SCHIP1: variants seen among roughly 807,000 people sequenced by gnomAD.
The protein encoded by SCHIP1 is schwannomin interacting protein 1.
In SCHIP1, 8 loss-of-function variants were observed where a neutral mutation model predicts 29.7. That is an observed-to-expected ratio of 0.27 (90% CI 0.16 to 0.49). The LOEUF (loss-of-function observed/expected upper bound fraction) is 0.49. Ranked by LOEUF, SCHIP1 falls within the 20% of genes least tolerant of loss-of-function variation. SCHIP1 has a pLI of 0.99. For missense variants in SCHIP1, 193 were observed against 294.6 expected, an observed-to-expected ratio of 0.66 and a Z score of 2.52; for synonymous variants, 76 against 94.9, an observed-to-expected ratio of 0.80 and a Z score of 1.16.
the SCHIP1 span, among the ~76,000 whole-genome samples, chr3:159,673,510 T>G: frequency 2.0e-5 from 3 of 152,230 alleles, no homozygotes; most frequent in Admixed American, 2.0e-4. Flanking sequence ...CCTGATTCCA[T>G]ATCTCTTGTC....
At chr3:159,769,276 A>C in the SCHIP1 span, among the ~76,000 whole-genome samples, 2 of 26,138 alleles carry the variant, frequency 7.7e-5, no homozygotes, top group South Asian at 1.1e-3. Context: ...CCTGTTGCCA[A>C]GTGGGGTGGG....
At chr3:159,375,027 T>A in the SCHIP1 span, among the ~76,000 whole-genome samples, 1 of 152,250 alleles carries the variant, frequency 6.6e-6, no homozygotes, top group African/African-American at 2.4e-5. Flanking sequence ...ATGTATTGGG[T>A]CATATTAAAT....
chr3:159,844,880 A>G (rs1711570494), intron 1 of SCHIP1, among the ~76,000 whole-genome samples: 1 of 152,220 alleles, frequency 6.6e-6, no homozygotes, highest in Admixed American at 6.5e-5. Flanking sequence ...CTACTGTGGG[A>G]ATGGAGACTT....
At chr3:159,407,027 G>T in the SCHIP1 span, among the ~76,000 whole-genome samples, 27 of 152,210 alleles carry the variant, frequency 1.8e-4, no homozygotes, top group African/African-American at 6.5e-4. Flanking sequence ...GACCGGAGGA[G>T]GTCCCTACCT....
the SCHIP1 span, among the ~76,000 whole-genome samples, chr3:159,508,230 C>G: frequency 6.6e-6 from 1 of 152,156 alleles, no homozygotes; most frequent in Non-Finnish European, 1.5e-5. Context: ...TCCATTTCCT[C>G]TAGATTTTCT....
intron 1 of SCHIP1, among the ~76,000 whole-genome samples, chr3:159,865,637 T>G (rs940734497): frequency 6.6e-6 from 1 of 152,234 alleles, no homozygotes; most frequent in Non-Finnish European, 1.5e-5. Flanking sequence ...AGGTGCTATG[T>G]CTGTCTTGTC....
chr3:159,574,365 C>G, the SCHIP1 span, among the ~76,000 whole-genome samples: 1 of 152,216 alleles, frequency 6.6e-6, no homozygotes, highest in Admixed American at 6.5e-5. Flanking sequence ...ACAGTCAGGT[C>G]CCTCAGCTGC....
the SCHIP1 span, among the ~76,000 whole-genome samples, chr3:159,468,777 A>ATATTTT: frequency 2.8e-3 from 352 of 127,328 alleles, 4 homozygotes; most frequent in South Asian, 0.013. Context: ...ATATATATAT[A>ATATTTT]TTTTTTTTAG....
At chr3:159,304,108 C>T in the SCHIP1 span, among the ~76,000 whole-genome samples, 3 of 149,118 alleles carry the variant, frequency 2.0e-5, no homozygotes, top group Admixed American at 6.8e-5. Context: ...TGAGAATATA[C>T]GGTGTTTGGT....
the SCHIP1 span, chr3:159,282,763 C>T: frequency 6.6e-6 from 1 of 150,646 alleles, no homozygotes; most frequent in Admixed American, 6.6e-5. Flanking sequence ...AAAATAAATC[C>T]ATTAGAATCT....
chr3:159,515,998 G>A, the SCHIP1 span, among the ~76,000 whole-genome samples: 4 of 151,368 alleles, frequency 2.6e-5, no homozygotes, highest in Non-Finnish European at 2.9e-5. Context: ...AATTGGGGGG[G>A]AATTTTTGGA....
At chr3:159,490,894 T>G in the SCHIP1 span, among the ~76,000 whole-genome samples, 1 of 151,634 alleles carries the variant, frequency 6.6e-6, no homozygotes, top group African/African-American at 2.4e-5. Context: ...CACCAAGAAG[T>G]TTAGAATCTG....
At chr3:159,878,756 C>T (rs1160164059) in intron 2 of SCHIP1, among the ~76,000 whole-genome samples, 7 of 145,232 alleles carry the variant, frequency 4.8e-5, no homozygotes, top group South Asian at 2.2e-4. Flanking sequence ...CCAGCCTGGG[C>T]GACAGAGCGA....
the SCHIP1 span, among the ~76,000 whole-genome samples, chr3:159,519,434 A>G: frequency 6.6e-6 from 1 of 152,126 alleles, no homozygotes; most frequent in African/African-American, 2.4e-5. Context: ...ATATACTAGT[A>G]CTTGATTTTT....
At chr3:159,892,444 C>T in intron 6 of SCHIP1, 1 of 593,544 alleles carries the variant, frequency 1.7e-6, no homozygotes, top group Admixed American at 3.0e-5. Flanking sequence ...CCGCCTAAAT[C>T]AGGTCTAGTT....
chr3:159,409,924 G>A, the SCHIP1 span, among the ~76,000 whole-genome samples: 3 of 152,066 alleles, frequency 2.0e-5, no homozygotes, highest in Non-Finnish European at 4.4e-5. Context: ...GCATAAAACA[G>A]ACACACAGAC....
At chr3:159,635,610 A>T in the SCHIP1 span, among the ~76,000 whole-genome samples, 1 of 152,146 alleles carries the variant, frequency 6.6e-6, no homozygotes, top group African/African-American at 2.4e-5. Context: ...GAGTATATGA[A>T]TGAGAAAATG....
chr3:159,370,701 CCTCT>C, the SCHIP1 span, among the ~76,000 whole-genome samples: 1 of 152,112 alleles, frequency 6.6e-6, no homozygotes, highest in Admixed American at 6.6e-5. Context: ...ATGGATGAAT[CCTCT>C]CTCTCTTCTT....
chr3:159,287,805 C>T, the SCHIP1 span, among the ~76,000 whole-genome samples: 582 of 152,274 alleles, frequency 3.8e-3, 6 homozygotes, highest in Middle Eastern at 0.017. Flanking sequence ...GCAGCCAGCT[C>T]AGCATGCTGG....
Sources: allele counts gnomAD v4.1 joint callset (sites outside exome capture counted in the v4.1 genomes callset), GRCh38; gene constraint gnomAD v4.1.1; transcripts MANE v1.5; gene names NCBI Gene and HGNC (gene_info 2026-07-23, HGNC 2026-07-21).